Variants in POLR1F observed in about 807,000 individuals in gnomAD.
The protein encoded by POLR1F is DNA-directed RNA polymerase I subunit RPA43.
A neutral mutation model predicts 21.8 loss-of-function variants in POLR1F; 23 were observed. The ratio of observed to expected loss-of-function variants is 1.05; its 90% CI spans 0.76 to 1.49. The LOEUF is 1.49. POLR1F is among the 40% of genes most tolerant of loss of function. The pLI is 0.00. For synonymous variants in POLR1F, 162 were observed against 152.8 expected (o/e 1.06, Z -0.45); for missense variants, 435 against 412.1 (o/e 1.06, Z -0.48).
chr7:19,704,803 G>A lies in POLR1F; in HGVS notation c.372C>T (p.Cys124=). Residue 124 remains cysteine, a synonymous_variant, in exon 2 of 4, where the codon TGC becomes TGT. Coordinates refer to ENST00000222567, the MANE Select transcript of POLR1F (RefSeq NM_001002926.2). The part of the protein sequence containing the change: ...LNIEADFVIF[C]PEPGQKLMGI... ...CCATAAGCTTCTGCCCTGGTTCAGG[G>A]CAGAAAATAACAAAATCGGCTTCAA... The A allele has an allele frequency of 6.2e-7, 1 of 1,606,642 alleles. No homozygotes were observed. The highest frequency in any genetic ancestry group is 8.5e-7 in the Non-Finnish European group (1 of 1,177,856).
intron 3 of POLR1F, 125 bp from the exon 4 acceptor site, chr7:19,698,852 A>G: frequency 3.0e-6 from 2 of 662,370 alleles, no homozygotes; most frequent in Non-Finnish European, 4.5e-6. Flanking sequence ...ACACATAACC[A>G]TGGCATAAAT....
In POLR1F at chr7:19,697,508, A is replaced by G. The variant is rs1373520989; in HGVS notation, c.*808T>C. ...GAACAACTGTTTTCTCTTCAGCACA[A>G]TATCTTATAGCCCATTCCAATCATT... is the stretch of plus-strand genomic sequence containing the variant. On this transcript the variant is annotated 3_prime_UTR_variant, in exon 4 of 4. Transcript: ENST00000222567. The G allele has an allele frequency of 2.0e-5, 3 of 152,170 alleles. No individual in the cohort carries two copies. The highest frequency in any genetic ancestry group is 7.2e-5 in the African/African-American group (3 of 41,456). 9.4% of individuals were successfully genotyped at this position (152,170 alleles called of 1,614,324 possible). A position where few individuals can be genotyped will look rare whatever the true frequency, so the allele number is the denominator to read the frequency against.
intron 2 of POLR1F, among the ~76,000 whole-genome samples, chr7:19,702,636 G>A (rs900357965): frequency 6.6e-6 from 1 of 152,266 alleles, no homozygotes; most frequent in South Asian, 2.1e-4. Flanking sequence ...ACAAGTCACA[G>A]ATTGGAAGAA....
Position 19,698,663 on chromosome 7 carries a change from T to G in POLR1F, c.670A>C (p.Lys224Gln). ...VTENGTEEAA[K>Q]KPKKKKKKKD... is the part of the protein sequence containing the mutation. ...TTCTTTTTCTTCTTTTTAGGTTTTT[T>G]AGCAGCTTCCTCAGTGCCATTTTCT... is the stretch of plus-strand genomic sequence containing the variant. The change falls in exon 4 of 4, where the codon AAA becomes CAA. Residue 224 changes from lysine (K) to glutamine (Q), a missense_variant. Lys to Gln is a moderately conservative substitution (Grantham distance 53). Coordinates refer to ENST00000222567, the MANE Select transcript of POLR1F (RefSeq NM_001002926.2). 1 of 1,591,670 alleles carries G rather than the reference T, an allele frequency of 6.3e-7. No homozygotes were observed. The highest frequency in any genetic ancestry group is 2.2e-5 in the East Asian group (1 of 44,498).
At chr7:19,706,258 C>G (rs929295400) in intron 1 of POLR1F, among the ~76,000 whole-genome samples, 3 of 152,162 alleles carry the variant, frequency 2.0e-5, no homozygotes, top group Admixed American at 2.0e-4. Flanking sequence ...TTAATTTCCG[C>G]ATGTGGCATT....
At chr7:19,698,753 A>T (rs764243242) in intron 3 of POLR1F, 26 bp from the exon 4 acceptor site, 3 of 1,491,542 alleles carry the variant, frequency 2.0e-6, no homozygotes, top group Non-Finnish European at 2.7e-6. Context: ...TAAAAAAATT[A>T]ACAGAACAAT....
In POLR1F at chr7:19,698,466, GT is replaced by G; in HGVS notation, c.866del (p.Asp289AlafsTer37). 1.9e-6 allele frequency: 3 copies of G among 1,612,408 alleles called. No homozygotes were observed. Among genetic ancestry groups the G allele is most frequent in the Non-Finnish European group, 2.5e-6 (3 of 1,179,612 alleles). On this transcript the variant is annotated frameshift_variant, in exon 4 of 4. Coordinates refer to ENST00000222567, the MANE Select transcript of POLR1F (RefSeq NM_001002926.2). LOFTEE classifies it high-confidence loss of function. ...KKKKKHQEVQ[D>X]QDPVFQGSDS... Reference sequence around the variant, plus strand: ...CACTGCCTTGGAAAACAGGGTCCTGGTCCTGAACTTCCTGGTGCTTTTTCTT... The same window carrying G: ...CACTGCCTTGGAAAACAGGGTCCTGGCCTGAACTTCCTGGTGCTTTTTCTT...
At position 19,702,098 on chromosome 7, in the gene POLR1F, T is replaced by C. The variant is rs557555756; in HGVS notation, c.397-1818A>G. On this transcript the variant is annotated intron_variant, in intron 2 of 3. Coordinates refer to ENST00000222567, the MANE Select transcript of POLR1F (RefSeq NM_001002926.2). Reference sequence around the variant, plus strand: ...GACACATTTGTGGAAACTCATAGAATGTACAACACAAAGACTGAACTCTAA... The same window carrying C: ...GACACATTTGTGGAAACTCATAGAACGTACAACACAAAGACTGAACTCTAA... Among the ~76,000 whole-genome samples, 3 of 152,276 alleles carry C rather than the reference T, an allele frequency of 2.0e-5. No individual in the cohort carries two copies. The South Asian group carries it at 6.2e-4, about 32-fold the overall frequency.
At chr7:19,708,724 C>T in intron 1 of POLR1F, 39 bp downstream of exon 1, 3 of 1,581,148 alleles carry the variant, frequency 1.9e-6, no homozygotes, top group Non-Finnish European at 2.6e-6. Flanking sequence ...TGCTTTACTT[C>T]CCGTGCACAA....
At chr7:19,700,493 A>C (rs1235380405) in intron 2 of POLR1F, among the ~76,000 whole-genome samples, 6 of 152,206 alleles carry the variant, frequency 3.9e-5, no homozygotes, top group Non-Finnish European at 1.5e-5. Context: ...GAGAAAGCTC[A>C]AACTTTATTA....
At chr7:19,702,885 G>A (rs949405876) in intron 2 of POLR1F, among the ~76,000 whole-genome samples, 17 of 152,130 alleles carry the variant, frequency 1.1e-4, no homozygotes, top group East Asian at 5.8e-4. Context: ...TGTTAATAAC[G>A]ATACAGAGTA....
intron 1 of POLR1F, among the ~76,000 whole-genome samples, chr7:19,706,929 C>T (rs773857677): frequency 1.3e-5 from 2 of 152,100 alleles, no homozygotes; most frequent in Admixed American, 6.5e-5. Flanking sequence ...GCCTGATTTG[C>T]ACTTGAATAA....
Position 19,698,615 on chromosome 7 carries a change from C to T in POLR1F, c.718G>A (p.Val240Met), listed in dbSNP as rs370526884. Residue 240 changes from valine (V) to methionine (M), a missense_variant, in exon 4 of 4, where the codon GTG (valine) becomes ATG (methionine). By Grantham distance (21) the Val-to-Met change is conservative. Transcript: ENST00000222567. ...KKKKDPETYE[V>M]DSGTTKLADD... The stretch of plus-strand genomic sequence containing the variant: ...GCTAGCTTTGTGGTACCACTGTCCA[C>T]TTCATATGTCTCTGGGTCTTTCTTC... 2.9e-5 allele frequency: 46 copies of T among 1,612,040 alleles called. No individual in the cohort carries two copies. Among genetic ancestry groups the T allele is most frequent in the Non-Finnish European group, 3.8e-5 (45 of 1,179,558 alleles).
In POLR1F at chr7:19,700,063, T is replaced by TA. The variant is rs751843016; in HGVS notation, c.605+8dup. The TA allele has an allele frequency of 6.2e-7, 1 of 1,607,478 alleles. No individual in the cohort carries two copies. The highest frequency in any genetic ancestry group is 8.5e-7 in the Non-Finnish European group (1 of 1,174,126). ...GTACCTAGTGATAATTACGTAATGA[T>TA]AAACTAACCTTGTGATATTTAGTTT... On this transcript the variant is annotated intron_variant, in intron 3 of 3. Transcript: ENST00000222567.
In POLR1F at chr7:19,697,482, A is replaced by G. The variant is rs537951704; in HGVS notation, c.*834T>C. 2 of 152,310 alleles carry G rather than the reference A, an allele frequency of 1.3e-5. No individual in the cohort carries two copies. The highest frequency in any genetic ancestry group is 4.1e-4 in the South Asian group (2 of 4,832). 9.4% of individuals were successfully genotyped at this position (152,310 alleles called of 1,614,324 possible). Reference sequence around the variant, plus strand: ...CATTTTCTCAATGAAAGCAGTGAACAGAACAACTGTTTTCTCTTCAGCACA... The same window carrying G: ...CATTTTCTCAATGAAAGCAGTGAACGGAACAACTGTTTTCTCTTCAGCACA... On this transcript the variant is annotated 3_prime_UTR_variant, in exon 4 of 4. Coordinates refer to ENST00000222567, the MANE Select transcript of POLR1F (RefSeq NM_001002926.2).
rs144136038 is a variant in POLR1F, at chr7:19,695,635, A to G, written c.*2681T>C. The G allele has an allele frequency of 1.2e-4, 18 of 152,300 alleles. No individual in the cohort carries two copies. The East Asian group carries it at 3.5e-3, about 29-fold the overall frequency. 9.4% of individuals were successfully genotyped at this position (152,300 alleles called of 1,614,324 possible). ...TAAGAGACAAGCTTTACAAACAGGT[A>G]AACAGTTTGAAATAATGCACAGTGT... On this transcript the variant is annotated 3_prime_UTR_variant, in exon 4 of 4. Transcript: ENST00000222567.
At chr7:19,700,444 G>A (rs2128006253) in intron 2 of POLR1F, 164 bp from the exon 3 acceptor site, 2 of 601,568 alleles carry the variant, frequency 3.3e-6, no homozygotes, top group East Asian at 5.5e-5. Flanking sequence ...CTTACCACAT[G>A]TCATGCCAAA....
In POLR1F at chr7:19,708,873, C is replaced by G. The variant is rs758904636; in HGVS notation, c.144G>C (p.Leu48=). Residue 48 remains leucine (L), a synonymous_variant, in exon 1 of 4, where the codon CTG becomes CTC. Coordinates refer to ENST00000222567, the MANE Select transcript of POLR1F (RefSeq NM_001002926.2). ...CALVNSRYSC[L]VAGPHQRHIA... The stretch of plus-strand genomic sequence containing the variant: ...TGTGCCTTTGGTGCGGCCCGGCCAC[C>G]AGGCATGAGTAGCGACTGTTCACCA... 6.2e-6 allele frequency: 10 copies of G among 1,614,074 alleles called. 1 individual carries two copies. The highest frequency in any genetic ancestry group is 8.5e-6 in the Non-Finnish European group (10 of 1,180,040).
rs1783365969 is a variant in POLR1F at position 19,696,458 on chromosome 7, T to A, written c.*1858A>T. ...AGGAATAGCATAAATTTGCCATCTT[T>A]CTTGTGTCTATGGAAAAGGGGTTTA... On this transcript the variant is annotated 3_prime_UTR_variant, in exon 4 of 4. Coordinates refer to ENST00000222567, the MANE Select transcript of POLR1F (RefSeq NM_001002926.2). 6.6e-6 allele frequency: 1 copy of A among 152,118 alleles called. No individual in the cohort carries two copies. 9.4% of individuals were successfully genotyped at this position (152,118 alleles called of 1,614,324 possible). A position where few individuals can be genotyped will look rare whatever the true frequency, so the allele number is the denominator to read the frequency against.
Sources: gnomAD v4.1 joint callset for allele counts (sites outside exome capture counted in the v4.1 genomes callset) on GRCh38, gnomAD v4.1.1 for gene constraint, MANE v1.5 for transcripts, NCBI Gene and HGNC (gene_info 2026-07-23, HGNC 2026-07-21) for gene names.